RUNX2: variants seen among roughly 807,000 people sequenced by gnomAD.
RUNX2 encodes RUNX family transcription factor 2.
Under a neutral mutation model 51.7 loss-of-function variants are expected in RUNX2, and 10 were observed. The observed-to-expected ratio is 0.19, with a 90% CI of 0.12 to 0.33. The LOEUF (loss-of-function observed/expected upper bound fraction) is 0.33. Among genes scored for constraint, RUNX2 ranks in the 10% least tolerant of loss-of-function variants. The pLI, the probability that RUNX2 is intolerant of heterozygous loss-of-function variation, is 1.00. For missense variants in RUNX2, 562 were observed against 691.3 expected (o/e 0.81, Z 2.10); for synonymous variants, 276 against 273.6 (o/e 1.01, Z -0.09).
intron 5 of RUNX2, among the ~76,000 whole-genome samples, chr6:45,468,898 C>T (rs545852509): frequency 3.9e-5 from 6 of 152,208 alleles, no homozygotes; most frequent in Non-Finnish European, 7.3e-5. Context: ...GTTTGTACTA[C>T]CTGAGCTGAG....
chr6:45,380,740 G>GTC (rs1797222463), intron 2 of RUNX2, among the ~76,000 whole-genome samples: 1 of 152,122 alleles, frequency 6.6e-6, no homozygotes, highest in East Asian at 1.9e-4. Flanking sequence ...CCACGCCCGG[G>GTC]TAATTTTTGT....
intron 2 of RUNX2, among the ~76,000 whole-genome samples, chr6:45,331,415 A>C (rs1787485885): frequency 6.6e-6 from 1 of 152,000 alleles, no homozygotes; most frequent in Non-Finnish European, 1.5e-5. Context: ...GGTCCATATC[A>C]ATAATATATT....
intron 7 of RUNX2, 86 bp from the exon 8 acceptor site, chr6:45,545,131 G>C (rs747784765): frequency 6.1e-6 from 7 of 1,143,080 alleles, no homozygotes; most frequent in Admixed American, 2.0e-5. Flanking sequence ...CCCTAAGGCT[G>C]TTGCTTCTCC....
At chr6:45,509,403 G>A (rs967911501) in intron 6 of RUNX2, among the ~76,000 whole-genome samples, 1 of 152,148 alleles carries the variant, frequency 6.6e-6, no homozygotes, top group Non-Finnish European at 1.5e-5. Flanking sequence ...CCTAGTTCAT[G>A]TAATCCTCAC....
chr6:45,334,093 C>T (rs972380082), intron 2 of RUNX2, among the ~76,000 whole-genome samples: 1 of 151,232 alleles, frequency 6.6e-6, no homozygotes, highest in African/African-American at 2.4e-5. Context: ...TCTTTTATCT[C>T]TACTATTCCT....
intron 2 of RUNX2, among the ~76,000 whole-genome samples, chr6:45,341,074 CA>C (rs1011179882): frequency 6.6e-6 from 1 of 151,842 alleles, no homozygotes; most frequent in Admixed American, 6.6e-5. Context: ...CTGTGCCTAC[CA>C]AAAAAATACT....
intron 2 of RUNX2, among the ~76,000 whole-genome samples, chr6:45,331,104 GGTGTGTGTGTGT>G (rs143223149): frequency 6.7e-6 from 1 of 149,606 alleles, no homozygotes; most frequent in Non-Finnish European, 1.5e-5. Flanking sequence ...TACAATGAGT[GGTGTGTGTGTGT>G]GTGTGTGTGT....
chr6:45,335,808 G>A (rs1450250530), intron 2 of RUNX2, among the ~76,000 whole-genome samples: 4 of 151,220 alleles, frequency 2.6e-5, no homozygotes, highest in Non-Finnish European at 5.9e-5. Flanking sequence ...GGTTACAAAA[G>A]ATAATCTAAT....
At chr6:45,532,086 T>A (rs1801867758) in intron 7 of RUNX2, among the ~76,000 whole-genome samples, 1 of 152,006 alleles carries the variant, frequency 6.6e-6, no homozygotes, top group South Asian at 2.1e-4. Context: ...GGAACTGTTG[T>A]TAACAATTAC....
intron 2 of RUNX2, among the ~76,000 whole-genome samples, chr6:45,347,154 T>G (rs961484348): frequency 2.0e-5 from 3 of 152,178 alleles, no homozygotes; most frequent in African/African-American, 7.2e-5. Context: ...TTTACATGTA[T>G]CATATTAAGA....
At chr6:45,393,667 A>G (rs1797522451) in intron 2 of RUNX2, among the ~76,000 whole-genome samples, 1 of 151,990 alleles carries the variant, frequency 6.6e-6, no homozygotes, top group Non-Finnish European at 1.5e-5. Context: ...TGACCTCGTG[A>G]TCTACCCACC....
At chr6:45,439,802 A>C (rs1270541464) in intron 5 of RUNX2, among the ~76,000 whole-genome samples, 1 of 152,136 alleles carries the variant, frequency 6.6e-6, no homozygotes, top group Admixed American at 6.5e-5. Context: ...TCTGAACGAT[A>C]TGACAATAAG....
rs187990700 is a variant in RUNX2 at position 45,536,377 on chromosome 6, G to A, written c.1022-8840G>A. On this transcript the variant is annotated intron_variant, in intron 7 of 8. Transcript: ENST00000647337. ...TTGATCCTAGATTAACATGGATTGC[G>A]TTAGGCCTGGGGTAGCTGTATCTTT... Among the ~76,000 whole-genome samples the A allele has an allele frequency of 5.3e-5, 8 of 152,254 alleles. No homozygotes were observed. In the South Asian group the frequency reaches 6.2e-4, roughly 12 times the overall value.
chr6:45,409,280 A>G (rs1797901973), intron 2 of RUNX2, among the ~76,000 whole-genome samples: 1 of 152,180 alleles, frequency 6.6e-6, no homozygotes, highest in Non-Finnish European at 1.5e-5. Context: ...TGCACATCCT[A>G]AAAGAGTGGG....
At chr6:45,399,349 CTTTTTTTTTTTTTTTTTT>C (rs398048486) in intron 2 of RUNX2, among the ~76,000 whole-genome samples, 1 of 57,346 alleles carries the variant, frequency 1.7e-5, no homozygotes, top group African/African-American at 5.9e-5. Flanking sequence ...CTTTTCTTTC[CTTTTTTTTTTTTTTTTTT>C]TTTTTTTTTT....
chr6:45,533,927 C>T (rs1801946006), intron 7 of RUNX2, among the ~76,000 whole-genome samples: 1 of 137,064 alleles, frequency 7.3e-6, no homozygotes, highest in Non-Finnish European at 1.5e-5. Context: ...CAGAGTCTCG[C>T]TCTGTCATCC....
chr6:45,504,721 T>G (rs1372325647), intron 6 of RUNX2, among the ~76,000 whole-genome samples: 1 of 152,094 alleles, frequency 6.6e-6, no homozygotes, highest in Non-Finnish European at 1.5e-5. Context: ...ACAGAAATAG[T>G]TTAAGATAGG....
intron 5 of RUNX2, among the ~76,000 whole-genome samples, chr6:45,467,898 G>A (rs1192397158): frequency 1.3e-5 from 2 of 152,180 alleles, no homozygotes; most frequent in African/African-American, 2.4e-5. Context: ...ATAGGGAATT[G>A]TAGTGATTAC....
Position 45,549,294 on chromosome 6 carries a change from C to T in RUNX2, c.*1989C>T, listed in dbSNP as rs374058568. The stretch of plus-strand genomic sequence containing the variant: ...ATTTGCCTTCAAACCCTAACGGCCC[C>T]CTTGTTCTCTGGTCCTTCTCAAACC... On this transcript the variant is annotated 3_prime_UTR_variant, in exon 9 of 9. Coordinates refer to ENST00000647337, the MANE Select transcript of RUNX2 (RefSeq NM_001024630.4). The T allele has an allele frequency of 2.5e-6, 1 of 398,588 alleles. No homozygotes were observed. Among genetic ancestry groups the T allele is most frequent in the East Asian group, 3.6e-5 (1 of 28,052 alleles). The allele number at this position is 398,588 out of a possible 1,614,324, so 24.7% of individuals were successfully genotyped here.
Sources: allele counts gnomAD v4.1 joint callset (sites outside exome capture counted in the v4.1 genomes callset), GRCh38; gene constraint gnomAD v4.1.1; transcripts MANE v1.5; gene names NCBI Gene and HGNC (gene_info 2026-07-23, HGNC 2026-07-21).